SMIM28: variants seen among roughly 807,000 people sequenced by gnomAD.
The protein encoded by SMIM28 is small integral membrane protein 28.
intron 1 of SMIM28, among the ~76,000 whole-genome samples, chr6:138,381,509 T>A (rs1430540598): frequency 6.6e-6 from 1 of 152,230 alleles, no homozygotes; most frequent in East Asian, 1.9e-4. Context: ...TTATAATTTC[T>A]GTGAGCTAAT....
chr6:138,378,808 C>T (rs1170682909), intron 1 of SMIM28, among the ~76,000 whole-genome samples: 1 of 152,108 alleles, frequency 6.6e-6, no homozygotes. Context: ...GCCGACAACA[C>T]AAGAAAGAAG....
intron 1 of SMIM28, among the ~76,000 whole-genome samples, chr6:138,380,489 G>A (rs73570912): frequency 0.037 from 5,646 of 152,128 alleles, 317 homozygotes; most frequent in African/African-American, 0.13. Context: ...TGGCTAGGGC[G>A]GGGCGCAGTG....
At chr6:138,381,494 A>T (rs1406476081) in intron 1 of SMIM28, among the ~76,000 whole-genome samples, 1 of 152,114 alleles carries the variant, frequency 6.6e-6, no homozygotes, top group Non-Finnish European at 1.5e-5. Flanking sequence ...TGCCATCAGG[A>T]GCCATTATAA....
intron 1 of SMIM28, among the ~76,000 whole-genome samples, chr6:138,380,008 A>G (rs1199673885): frequency 1.3e-5 from 2 of 152,202 alleles, no homozygotes; most frequent in Non-Finnish European, 2.9e-5. Flanking sequence ...CCGCACCAAT[A>G]AATTTCTAGA....
At chr6:138,382,286 A>G (rs1309616008) in intron 1 of SMIM28, among the ~76,000 whole-genome samples, 1 of 151,622 alleles carries the variant, frequency 6.6e-6, no homozygotes, top group Non-Finnish European at 1.5e-5. Context: ...AATGCCAGCT[A>G]CTCGGGAGGC....
chr6:138,378,867 G>C (rs763133040), intron 1 of SMIM28, among the ~76,000 whole-genome samples: 1 of 152,052 alleles, frequency 6.6e-6, no homozygotes, highest in Admixed American at 6.6e-5. Context: ...GGTGAGATTA[G>C]TATTTAAGTT....
In SMIM28 at chr6:138,382,777, C is replaced by A; in HGVS notation, c.389C>A (p.Pro130Gln). 1 of 398,618 alleles carries A rather than the reference C, an allele frequency of 2.5e-6. No homozygotes were observed. The highest frequency in any genetic ancestry group is 4.4e-6 in the Non-Finnish European group (1 of 226,104). 24.7% of individuals were successfully genotyped at this position (398,618 alleles called of 1,614,324 possible). A position where few individuals can be genotyped will look rare whatever the true frequency, so the allele number is the denominator to read the frequency against. ...PEATLPSQCLPPSYEEATRNP... is the reference protein window; with the variant it reads ...PEATLPSQCLQPSYEEATRNP... ...GCCACTCTCCCCTCCCAGTGTTTAC[C>A]GCCCTCCTACGAAGAGGCCACCAGA... Residue 130 changes from proline (P) to glutamine (Q), a missense_variant, in exon 2 of 2, where the codon CCG becomes CAG. By Grantham distance (76) the Pro-to-Gln change is moderately conservative. Transcript: ENST00000573100.
At chr6:138,379,830 A>C (rs925590304) in intron 1 of SMIM28, among the ~76,000 whole-genome samples, 1 of 152,200 alleles carries the variant, frequency 6.6e-6, no homozygotes, top group African/African-American at 2.4e-5. Flanking sequence ...ATGTCACAAC[A>C]GATTTTAAGT....
intron 1 of SMIM28, among the ~76,000 whole-genome samples, chr6:138,380,257 C>T (rs1281947115): frequency 1.3e-5 from 2 of 152,302 alleles, no homozygotes; most frequent in East Asian, 3.9e-4. Flanking sequence ...GGAATTCAAA[C>T]ACAGAGCTGT....
Sources: gnomAD v4.1 joint callset for allele counts (sites outside exome capture counted in the v4.1 genomes callset) on GRCh38, gnomAD v4.1.1 for gene constraint, MANE v1.5 for transcripts, NCBI Gene and HGNC (gene_info 2026-07-23, HGNC 2026-07-21) for gene names.